The following CMBL variants were observed in gnomAD, a reference collection of about 807,000 sequenced individuals.
CMBL encodes the protein carboxymethylenebutenolidase homolog (Pseudomonas).
Under a neutral mutation model 28.7 loss-of-function variants are expected in CMBL, and 17 were observed. The ratio of observed to expected loss-of-function variants is 0.59; its 90% CI spans 0.41 to 0.89. The LOEUF is 0.89. Ranked by LOEUF, CMBL falls within the 40% of genes least tolerant of loss-of-function variation. CMBL has a pLI of 0.00. For synonymous variants in CMBL, 106 were observed against 101.6 expected (o/e 1.04, Z -0.26); for missense variants, 310 against 298.5 (o/e 1.04, Z -0.28).
intron 1 of CMBL, among the ~76,000 whole-genome samples, chr5:10,297,766 T>G (rs1281252434): frequency 6.7e-6 from 1 of 150,004 alleles, no homozygotes; most frequent in Non-Finnish European, 1.5e-5. Context: ...GACAGGAGGG[T>G]CTGGCGCATA....
Position 10,282,179 on chromosome 5 carries a change from G to A in CMBL, c.558+18C>T, listed in dbSNP as rs778955580. On this transcript the variant is annotated intron_variant, in intron 5 of 5. Transcript: ENST00000296658. Reference sequence around the variant, plus strand: ...CATCTCAAATAAATAAATACGAAGAGAAAAGATGCCAACTTACGTCCTTGA... The same window carrying A: ...CATCTCAAATAAATAAATACGAAGAAAAAAGATGCCAACTTACGTCCTTGA... The A allele has an allele frequency of 6.4e-7, 1 of 1,551,444 alleles. No individual in the cohort carries two copies. Among genetic ancestry groups the A allele is most frequent in the Non-Finnish European group, 8.9e-7 (1 of 1,123,266 alleles).
rs115276397 is a variant in CMBL at position 10,282,186 on chromosome 5, T to C, written c.558+11A>G. On this transcript the variant is annotated intron_variant, in intron 5 of 5. Coordinates refer to ENST00000296658, the MANE Select transcript of CMBL (RefSeq NM_138809.4). ...AATAAATAAATACGAAGAGAAAAGATGCCAACTTACGTCCTTGAGTGGAAT... is the reference window on the plus strand; with the variant it reads ...AATAAATAAATACGAAGAGAAAAGACGCCAACTTACGTCCTTGAGTGGAAT... 8.2e-3 allele frequency: 12,972 copies of C among 1,577,710 alleles called. 835 individuals carry two copies. The African/African-American group carries it at 0.15, about 18-fold the overall frequency.
At chr5:10,301,603 C>CG (rs199863187) in intron 1 of CMBL, among the ~76,000 whole-genome samples, 4,778 of 88,766 alleles carry the variant, frequency 0.054, 286 homozygotes, top group African/African-American at 0.19. Flanking sequence ...TTTTTCTTTT[C>CG]GGGTTTTTTT....
chr5:10,286,459 A>G lies in CMBL; in HGVS notation c.361T>C (p.Cys121Arg), dbSNP rs1463871643. 3 of 1,613,970 alleles carry G rather than the reference A, an allele frequency of 1.9e-6. No individual in the cohort carries two copies. The East Asian group carries it at 6.7e-5, about 36-fold the overall frequency. The part of the protein sequence containing the change: ...SAILKYLKQQ[C>R]HAQKIGIVGF... ...ACGATGCCAATTTTCTGGGCATGAC[A>G]CTGTTGTTTCAGATACTTCAAGATA... Residue 121 changes from cysteine (C) to arginine (R), a missense_variant, in exon 4 of 6, where the codon TGT becomes CGT. Physicochemically the swap from Cys to Arg is radical, Grantham distance 180. Coordinates refer to ENST00000296658, the MANE Select transcript of CMBL (RefSeq NM_138809.4).
rs542941852 is a variant in CMBL at position 10,305,720 on chromosome 5, T to A, written c.-20+1905A>T. On this transcript the variant is annotated intron_variant, in intron 1 of 5. Coordinates refer to ENST00000296658, the MANE Select transcript of CMBL (RefSeq NM_138809.4). The stretch of plus-strand genomic sequence containing the variant: ...CTGAGTAGCTGGGATTATAGGCACA[T>A]GCCACCACGCCTGGCTAATTTTTGT... Among the ~76,000 whole-genome samples the A allele has an allele frequency of 3.9e-5, 6 of 152,202 alleles. No individual in the cohort carries two copies. In the East Asian group the frequency reaches 1.2e-3, roughly 30 times the overall value.
In CMBL at chr5:10,289,510, G is replaced by C. The variant is rs1746665414; in HGVS notation, c.216-981C>G. Among the ~76,000 whole-genome samples the C allele has an allele frequency of 6.6e-6, 1 of 152,206 alleles. No individual in the cohort carries two copies. Among genetic ancestry groups the C allele is most frequent in the Non-Finnish European group, 1.5e-5 (1 of 68,044 alleles). ...GCCAGTGATCTGGGGCAGCCGCAAAGCGCTCTCTTTATGGCCTGGTTTCCT... is the reference window on the plus strand; with the variant it reads ...GCCAGTGATCTGGGGCAGCCGCAAACCGCTCTCTTTATGGCCTGGTTTCCT... On this transcript the variant is annotated intron_variant, in intron 2 of 5. Transcript: ENST00000296658. This position sits in a 1 kb window ranked among gnomAD's most constrained non-coding sequence, Gnocchi z 4.3.
chr5:10,296,996 C>G (rs531901702), intron 1 of CMBL, among the ~76,000 whole-genome samples: 1 of 152,072 alleles, frequency 6.6e-6, no homozygotes, highest in East Asian at 1.9e-4. Flanking sequence ...ACCAGCCTGG[C>G]CAACATGGTA....
At chr5:10,282,976 G>A (rs1430095132) in intron 4 of CMBL, among the ~76,000 whole-genome samples, 1 of 151,594 alleles carries the variant, frequency 6.6e-6, no homozygotes, top group Non-Finnish European at 1.5e-5. Flanking sequence ...TGCAATCTCA[G>A]CTACTCGGGA....
intron 1 of CMBL, among the ~76,000 whole-genome samples, chr5:10,299,031 A>G (rs1729537980): frequency 6.6e-6 from 1 of 152,230 alleles, no homozygotes; most frequent in African/African-American, 2.4e-5. Flanking sequence ...ATTTTCCATG[A>G]CAAAAAGCTC....
intron 1 of CMBL, among the ~76,000 whole-genome samples, chr5:10,300,275 C>A (rs1746877490): frequency 6.6e-6 from 1 of 152,070 alleles, no homozygotes; most frequent in South Asian, 2.1e-4. Context: ...TGGCCCCCCA[C>A]CAGACGCTGG....
Position 10,286,480 on chromosome 5 carries a change from A to G in CMBL, c.340T>C (p.Leu114=). The G allele has an allele frequency of 6.2e-7, 1 of 1,614,126 alleles. No individual in the cohort carries two copies. Among genetic ancestry groups the G allele is most frequent in the African/African-American group, 1.3e-5 (1 of 75,054 alleles). ...TGACACTGTTGTTTCAGATACTTCAAGATAGCACTGATCTCTCTAGAACAG... is the reference window on the plus strand; with the variant it reads ...TGACACTGTTGTTTCAGATACTTCAGGATAGCACTGATCTCTCTAGAACAG... ...QKIDREISAI[L]KYLKQQCHAQ... Residue 114 remains leucine, a synonymous_variant, in exon 4 of 6, where the codon TTG becomes CTG. Transcript: ENST00000296658.
chr5:10,299,204 T>C (rs1410327910), intron 1 of CMBL, among the ~76,000 whole-genome samples: 1 of 152,104 alleles, frequency 6.6e-6, no homozygotes, highest in Non-Finnish European at 1.5e-5. Flanking sequence ...AGATAAAATA[T>C]ATAAAGAATT....
chr5:10,278,233 C>A lies in CMBL; in HGVS notation c.*2220G>T, dbSNP rs1204664336. Among the ~76,000 whole-genome samples, 1 of 152,206 alleles carries A rather than the reference C, an allele frequency of 6.6e-6. No individual in the cohort carries two copies. The highest frequency in any genetic ancestry group is 1.5e-5 in the Non-Finnish European group (1 of 68,040). ...AGCATCTATTTGAATGTAAGTTGGA[C>A]TTTCTCATACTAGAAGCAGGGATTA... On this transcript the variant is annotated 3_prime_UTR_variant, in exon 6 of 6. Coordinates refer to ENST00000296658, the MANE Select transcript of CMBL (RefSeq NM_138809.4).
rs568500211 is a variant in CMBL at position 10,288,737 on chromosome 5, C to T, written c.216-208G>A. Among the ~76,000 whole-genome samples the T allele has an allele frequency of 4.6e-5, 7 of 152,378 alleles. No homozygotes were observed. The South Asian group carries it at 6.2e-4, about 14-fold the overall frequency. ...AGGTTTCACAACCGCAGGTGCACAG[C>T]GTCTGGCAGCCTGCTGGTAACCCAG... is the stretch of plus-strand genomic sequence containing the variant. On this transcript the variant is annotated intron_variant, in intron 2 of 5. Transcript: ENST00000296658.
At chr5:10,302,193 G>A (rs951662283) in intron 1 of CMBL, among the ~76,000 whole-genome samples, 1 of 152,162 alleles carries the variant, frequency 6.6e-6, no homozygotes. Context: ...TCAACTAACT[G>A]TACTATATTT....
rs540120463 is a variant in CMBL at position 10,289,507 on chromosome 5, A to G, written c.216-978T>C. 6.6e-6 allele frequency among the ~76,000 whole-genome samples: 1 copy of G among 152,334 alleles called. No homozygotes were observed. Among genetic ancestry groups the G allele is most frequent in the East Asian group, 1.9e-4 (1 of 5,184 alleles). On this transcript the variant is annotated intron_variant, in intron 2 of 5. Transcript: ENST00000296658. This position sits in a 1 kb window ranked among gnomAD's most constrained non-coding sequence, Gnocchi z 4.3. Reference sequence around the variant, plus strand: ...TGGGCCAGTGATCTGGGGCAGCCGCAAAGCGCTCTCTTTATGGCCTGGTTT... The same window carrying G: ...TGGGCCAGTGATCTGGGGCAGCCGCGAAGCGCTCTCTTTATGGCCTGGTTT...
At chr5:10,288,056 C>A (rs1272371607) in intron 3 of CMBL, among the ~76,000 whole-genome samples, 1 of 150,918 alleles carries the variant, frequency 6.6e-6, no homozygotes, top group African/African-American at 2.4e-5. Context: ...CAAAAAAAAT[C>A]CCAGCACTTG....
intron 1 of CMBL, chr5:10,292,215 T>G (rs1746733232): frequency 1.3e-5 from 2 of 152,104 alleles, no homozygotes; most frequent in African/African-American, 4.8e-5. Flanking sequence ...TGGATTTTTT[T>G]TTGTTTTGTT....
intron 3 of CMBL, among the ~76,000 whole-genome samples, chr5:10,287,296 C>T (rs1391817440): frequency 6.6e-6 from 1 of 152,198 alleles, no homozygotes; most frequent in Admixed American, 6.5e-5. Context: ...ATAGACTATA[C>T]TCAGCCATAA....
Sources: gnomAD v4.1 joint callset for allele counts (sites outside exome capture counted in the v4.1 genomes callset) on GRCh38, gnomAD v4.1.1 for gene constraint, Gnocchi (gnomAD v3.1) non-coding constraint, MANE v1.5 for transcripts, NCBI Gene and HGNC (gene_info 2026-07-23, HGNC 2026-07-21) for gene names.